ARID2: variants seen among roughly 807,000 people sequenced by gnomAD.
ARID2 encodes AT-rich interaction domain 2.
In ARID2, 32 loss-of-function variants were observed where a neutral mutation model predicts 184.6. That is an observed-to-expected ratio of 0.17 (90% CI 0.13 to 0.23). The LOEUF is 0.23. ARID2 is among the 10% of genes least tolerant of loss of function. ARID2 has a pLI of 1.00. For missense variants in ARID2, 1,696 were observed against 2,197.6 expected (o/e 0.77, Z 4.56); for synonymous variants, 836 against 772.6 (o/e 1.08, Z -1.36).
intron 3 of ARID2, among the ~76,000 whole-genome samples, chr12:45,809,065 TAAAAA>T (rs1031686175): frequency 1.3e-5 from 2 of 152,200 alleles, no homozygotes; most frequent in Non-Finnish European, 2.9e-5. Context: ...GCACCCACCC[TAAAAA>T]ACACGTAAAT....
intron 18 of ARID2, among the ~76,000 whole-genome samples, chr12:45,892,407 G>A (rs1398280649): frequency 6.6e-6 from 1 of 152,030 alleles, no homozygotes; most frequent in African/African-American, 2.4e-5. Context: ...AAAGTACTGT[G>A]TATGGTTCTT....
intron 16 of ARID2, among the ~76,000 whole-genome samples, chr12:45,864,917 C>T (rs1943809974): frequency 1.3e-5 from 2 of 152,150 alleles, no homozygotes; most frequent in Non-Finnish European, 1.5e-5. Context: ...ATGAGTTGCT[C>T]ACTATCACCC....
At chr12:45,822,093 A>T (rs1350086852) in intron 6 of ARID2, among the ~76,000 whole-genome samples, 1 of 152,186 alleles carries the variant, frequency 6.6e-6, no homozygotes, top group Non-Finnish European at 1.5e-5. Context: ...ATAGAACATT[A>T]TTGTTTAAAC....
chr12:45,785,290 T>C (rs1454525938), intron 3 of ARID2, among the ~76,000 whole-genome samples: 1 of 152,232 alleles, frequency 6.6e-6, no homozygotes, highest in African/African-American at 2.4e-5. Context: ...CCCTCAGTTT[T>C]CTACTTACTA....
intron 6 of ARID2, among the ~76,000 whole-genome samples, chr12:45,827,108 C>T (rs989462870): frequency 3.3e-5 from 5 of 151,688 alleles, no homozygotes; most frequent in South Asian, 2.1e-4. Context: ...GTATAAAAAA[C>T]GTTTTTTCTT....
At chr12:45,822,697 C>T (rs1467075928) in intron 6 of ARID2, among the ~76,000 whole-genome samples, 1 of 151,740 alleles carries the variant, frequency 6.6e-6, no homozygotes, top group Non-Finnish European at 1.5e-5. Flanking sequence ...ATTGTCCAGA[C>T]AAAATAGACT....
intron 16 of ARID2, among the ~76,000 whole-genome samples, chr12:45,872,102 G>T (rs1323135347): frequency 6.6e-6 from 1 of 151,378 alleles, no homozygotes; most frequent in African/African-American, 2.4e-5. Context: ...TCTTTCTGTT[G>T]ATTTCCTGTT....
At chr12:45,813,026 G>T (rs1482934960) in intron 4 of ARID2, among the ~76,000 whole-genome samples, 1 of 152,128 alleles carries the variant, frequency 6.6e-6, no homozygotes, top group Admixed American at 6.5e-5. Flanking sequence ...TATTTCGGAA[G>T]CCTATAATGA....
At chr12:45,854,207 A>G (rs984042797) in intron 15 of ARID2, among the ~76,000 whole-genome samples, 1 of 152,212 alleles carries the variant, frequency 6.6e-6, no homozygotes, top group Non-Finnish European at 1.5e-5. Flanking sequence ...CAGGAAAACA[A>G]GCTCAGAGCC....
At position 45,852,773 on chromosome 12, in the gene ARID2, C is replaced by T. The variant is rs758499589; in HGVS notation, c.4650C>T (p.Ser1550=). 42 of 1,614,004 alleles carry T rather than the reference C, an allele frequency of 2.6e-5. No individual in the cohort carries two copies. Among genetic ancestry groups the T allele is most frequent in the Admixed American group, 2.2e-4 (13 of 60,000 alleles). Residue 1550 remains serine, a synonymous_variant, in exon 15 of 21, where the codon AGC becomes AGT. Transcript: ENST00000334344. ...TISDPNNAGC[S]ATMVAVPAGA... ...GTGACCCCAACAATGCTGGCTGCAG[C>T]GCAACAATGGTTGCTGTGCCAGCAG...
At chr12:45,775,856 G>A (rs900262492) in intron 3 of ARID2, among the ~76,000 whole-genome samples, 3 of 152,068 alleles carry the variant, frequency 2.0e-5, no homozygotes. Context: ...TATTGCTGTT[G>A]CTTATCTTAG....
intron 3 of ARID2, among the ~76,000 whole-genome samples, chr12:45,808,097 G>A (rs929330770): frequency 6.6e-6 from 1 of 152,168 alleles, no homozygotes; most frequent in Admixed American, 6.6e-5. Flanking sequence ...TTATGTCATC[G>A]ATTTTTGAGG....
At chr12:45,891,289 G>T (rs1276213011) in intron 16 of ARID2, among the ~76,000 whole-genome samples, 1 of 152,152 alleles carries the variant, frequency 6.6e-6, no homozygotes, top group Non-Finnish European at 1.5e-5. Context: ...TCTAATAAAG[G>T]AGAATAAAAT....
chr12:45,873,696 C>G (rs933159815), intron 16 of ARID2, among the ~76,000 whole-genome samples: 3 of 152,126 alleles, frequency 2.0e-5, no homozygotes, highest in Admixed American at 2.0e-4. Context: ...AATGTTTACA[C>G]TATACTGTAG....
intron 3 of ARID2, among the ~76,000 whole-genome samples, chr12:45,740,979 T>G (rs1941242690): frequency 6.6e-6 from 1 of 152,252 alleles, no homozygotes; most frequent in South Asian, 2.1e-4. Flanking sequence ...TTTTCTCTTT[T>G]TGAATTAATA....
At chr12:45,843,775 G>C (rs1304168508) in intron 11 of ARID2, among the ~76,000 whole-genome samples, 2 of 152,148 alleles carry the variant, frequency 1.3e-5, no homozygotes, top group Non-Finnish European at 2.9e-5. Context: ...TGACACTGCA[G>C]ATTTACCTCA....
At chr12:45,887,757 C>G (rs886298893) in intron 16 of ARID2, among the ~76,000 whole-genome samples, 1 of 152,198 alleles carries the variant, frequency 6.6e-6, no homozygotes, top group East Asian at 1.9e-4. Flanking sequence ...GCAAGTGGCA[C>G]GAACTTCCCG....
At position 45,908,007 on chromosome 12, in the gene ARID2, T is replaced by A; in HGVS notation, c.*2929T>A. ...CATGTCATGTATGTTTTTTTAACCA[T>A]GAAATGACAATAAAATGATTTTTAA... On this transcript the variant is annotated 3_prime_UTR_variant, in exon 21 of 21. Coordinates refer to ENST00000334344, the MANE Select transcript of ARID2 (RefSeq NM_152641.4). 1 of 226,030 alleles carries A rather than the reference T, an allele frequency of 4.4e-6. No homozygotes were observed. Among genetic ancestry groups the A allele is most frequent in the Non-Finnish European group, 8.8e-6 (1 of 113,592 alleles). The allele number at this position is 226,030 out of a possible 1,614,324, so 14.0% of individuals were successfully genotyped here.
rs79030808 is a variant in ARID2 at position 45,750,500 on chromosome 12, C to T, written c.284+19186C>T. Among the ~76,000 whole-genome samples the T allele has an allele frequency of 7.5e-3, 1,147 of 152,246 alleles. 19 individuals are homozygous for T. Among genetic ancestry groups the T allele is most frequent in the African/African-American group, 0.026 (1,076 of 41,536 alleles). ...AATGATGCCGATAGACTTGCTTCAA[C>T]TTGTTAAACCTTCAATTGGTTTTAA... On this transcript the variant is annotated intron_variant, in intron 3 of 20. Transcript: ENST00000334344.
Sources: allele counts gnomAD v4.1 joint callset (sites outside exome capture counted in the v4.1 genomes callset), GRCh38; gene constraint gnomAD v4.1.1; transcripts MANE v1.5; gene names NCBI Gene and HGNC (gene_info 2026-07-23, HGNC 2026-07-21).